The following INO80 variants were observed in gnomAD, a reference collection of about 807,000 sequenced individuals.
The protein encoded by INO80 is INO80 complex ATPase subunit.
A neutral mutation model predicts 203.4 loss-of-function variants in INO80; 20 were observed. The ratio of observed to expected loss-of-function variants is 0.10; its 90% CI spans 0.07 to 0.14. The LOEUF is 0.14. INO80 is among the 10% of genes least tolerant of loss of function. The probability of loss-of-function intolerance (pLI) is 1.00; values close to 1 mark genes in which losing one functional copy is unlikely to be tolerated. For missense variants in INO80, 1,419 were observed against 1,914.4 expected, an observed-to-expected ratio of 0.74 and a Z score of 4.83; for synonymous variants, 726 against 685.2, an observed-to-expected ratio of 1.06 and a Z score of -0.93.
intron 24 of INO80, among the ~76,000 whole-genome samples, chr15:41,032,653 T>A (rs1049020764): frequency 2.0e-5 from 3 of 152,158 alleles, no homozygotes; most frequent in Non-Finnish European, 4.4e-5. Context: ...TCAAAACAAC[T>A]CTATGTTTAG....
chr15:41,087,144 A>G (rs1277537231), intron 6 of INO80, among the ~76,000 whole-genome samples: 2 of 152,012 alleles, frequency 1.3e-5, no homozygotes, highest in Non-Finnish European at 2.9e-5. Flanking sequence ...AAAAAAAAAA[A>G]GAATGGTTGC....
chr15:41,055,173 TAAAAG>T, intron 18 of INO80, 69 bp downstream of exon 18: 1 of 759,920 alleles, frequency 1.3e-6, no homozygotes, highest in Non-Finnish European at 2.1e-6. Flanking sequence ...ATTATTCAAA[TAAAAG>T]AAAATATGCA....
At position 41,079,705 on chromosome 15, in the gene INO80, C is replaced by T. The variant is rs2045457212; in HGVS notation, c.1127G>A (p.Arg376Gln). Residue 376 changes from arginine (R) to glutamine (Q), a missense_variant, in exon 9 of 36, where the codon CGG becomes CAG. This residue lies in a region of INO80 where 87 missense variants were observed against 150.5 expected (regional missense o/e 0.58). Coordinates refer to ENST00000648947, the MANE Select transcript of INO80 (RefSeq NM_017553.3). ...LEQRKLDEEM[R>Q]EAKRQQRKLN... ...AATGTTATGCTTTTGCCCTACCTCC[C>T]GCATTTCCTCATCCAACTTCCGCTG... 1.2e-6 allele frequency: 2 copies of T among 1,614,064 alleles called. No individual in the cohort carries two copies. The highest frequency in any genetic ancestry group is 8.5e-7 in the Non-Finnish European group (1 of 1,179,950).
chr15:40,980,025 C>T lies in INO80; in HGVS notation c.*198G>A, dbSNP rs878929674. The T allele has an allele frequency of 5.0e-6, 3 of 594,980 alleles. No homozygotes were observed. Among genetic ancestry groups the T allele is most frequent in the South Asian group, 4.0e-5 (2 of 50,618 alleles). The allele number at this position is 594,980 out of a possible 1,614,324, so 36.9% of individuals were successfully genotyped here. On this transcript the variant is annotated 3_prime_UTR_variant, in exon 36 of 36. Transcript: ENST00000648947. ...TCCATGCCCTGTGGCCTTCCTCCTA[C>T]AGGCACCCCAGATGCTCCTGATGAG...
chr15:40,990,272 G>T (rs908056940), intron 29 of INO80, among the ~76,000 whole-genome samples: 3 of 152,182 alleles, frequency 2.0e-5, no homozygotes, highest in African/African-American at 7.2e-5. Flanking sequence ...CTTGGTCCAA[G>T]TCCCCACTTA....
At chr15:41,093,858 T>A (rs896051197) in intron 4 of INO80, among the ~76,000 whole-genome samples, 7 of 151,946 alleles carry the variant, frequency 4.6e-5, no homozygotes, top group African/African-American at 1.5e-4. Context: ...AATAAATAAA[T>A]AAAAATAAAA....
At chr15:41,035,699 G>C (rs1419138703) in intron 24 of INO80, among the ~76,000 whole-genome samples, 10 of 150,846 alleles carry the variant, frequency 6.6e-5, no homozygotes, top group Admixed American at 5.3e-4. Flanking sequence ...GCGGGCACCT[G>C]TAGGCCCAGC....
chr15:41,029,279 G>C lies in INO80; in HGVS notation c.2908-1543C>G, dbSNP rs566308984. Among the ~76,000 whole-genome samples the C allele has an allele frequency of 5.9e-5, 9 of 152,288 alleles. No homozygotes were observed. In the East Asian group the frequency reaches 1.7e-3, roughly 29 times the overall value. On this transcript the variant is annotated intron_variant, in intron 24 of 35. Coordinates refer to ENST00000648947, the MANE Select transcript of INO80 (RefSeq NM_017553.3). ...CATATCCTGCTCTTCCACTTATACA[G>C]CTTTATTTTCCACAGGGCTTACATC...
intron 5 of INO80, among the ~76,000 whole-genome samples, chr15:41,089,612 G>A (rs982812457): frequency 1.3e-5 from 2 of 152,160 alleles, no homozygotes; most frequent in Admixed American, 6.6e-5. Flanking sequence ...GCGCAGTGGC[G>A]CATGCCTGTA....
At chr15:41,078,752 T>G (rs913795342) in intron 9 of INO80, among the ~76,000 whole-genome samples, 1 of 152,166 alleles carries the variant, frequency 6.6e-6, no homozygotes, top group Admixed American at 6.5e-5. Context: ...ATACAATGAT[T>G]TGCCTTCTTA....
At position 40,985,446 on chromosome 15, in the gene INO80, A is replaced by G. The variant is rs750808562; in HGVS notation, c.3833-20T>C. ...GCCTCACTATCAAGAAAATGAATTA[A>G]GACCTGATGAAGTACCTGTGGTAAT... is the stretch of plus-strand genomic sequence containing the variant. On this transcript the variant is annotated intron_variant, in intron 31 of 35. Transcript: ENST00000648947. 3.8e-6 allele frequency: 6 copies of G among 1,569,748 alleles called. No individual in the cohort carries two copies. The East Asian group carries it at 1.3e-4, about 35-fold the overall frequency.
chr15:41,031,562 GA>G (rs375394488), intron 24 of INO80, among the ~76,000 whole-genome samples: 230 of 3,008 alleles, frequency 0.076, 36 homozygotes, highest in East Asian at 0.21. Flanking sequence ...AGGAAGGGAG[GA>G]AGGGAGGAAG....
intron 1 of INO80, among the ~76,000 whole-genome samples, chr15:41,114,160 A>G (rs1234576081): frequency 2.0e-5 from 3 of 151,520 alleles, no homozygotes; most frequent in South Asian, 4.2e-4. Context: ...CCAGCTACTC[A>G]GGAGGCTGAG....
At chr15:41,103,027 GA>G (rs1161797585) in intron 1 of INO80, among the ~76,000 whole-genome samples, 1 of 152,106 alleles carries the variant, frequency 6.6e-6, no homozygotes, top group African/African-American at 2.4e-5. Flanking sequence ...GATGCTTCTA[GA>G]AAGGCTTTCT....
intron 7 of INO80, among the ~76,000 whole-genome samples, chr15:41,082,676 C>G (rs905781085): frequency 1.3e-5 from 2 of 151,780 alleles, no homozygotes; most frequent in African/African-American, 4.8e-5. Context: ...TGTACTCCAA[C>G]CTGGGTGACA....
chr15:41,055,475 C>G, intron 17 of INO80, 111 bp from the exon 18 acceptor site: 1 of 492,742 alleles, frequency 2.0e-6, no homozygotes, highest in Non-Finnish European at 3.6e-6. Flanking sequence ...TGCCTAGATG[C>G]ATGTGTATGT....
intron 24 of INO80, among the ~76,000 whole-genome samples, chr15:41,042,771 G>A (rs1287328119): frequency 6.6e-6 from 1 of 152,166 alleles, no homozygotes; most frequent in Non-Finnish European, 1.5e-5. Context: ...ACCACGCCCG[G>A]CTGACAGTCT....
At chr15:41,111,540 C>T (rs2140716606) in intron 1 of INO80, among the ~76,000 whole-genome samples, 1 of 152,252 alleles carries the variant, frequency 6.6e-6, no homozygotes, top group Non-Finnish European at 1.5e-5. Flanking sequence ...CACAGTGGCT[C>T]ACACCTGTAA....
chr15:41,097,631 C>T (rs1238404048), intron 1 of INO80, among the ~76,000 whole-genome samples: 1 of 151,210 alleles, frequency 6.6e-6, no homozygotes, highest in Non-Finnish European at 1.5e-5. Flanking sequence ...CACCACCACA[C>T]CTAGCTAATT....
Sources: allele counts gnomAD v4.1 joint callset (sites outside exome capture counted in the v4.1 genomes callset), GRCh38; gene constraint gnomAD v4.1.1; regional missense constraint gnomAD v4.1.1; transcripts MANE v1.5; gene names NCBI Gene and HGNC (gene_info 2026-07-23, HGNC 2026-07-21).